Variants in KCTD16 observed in about 807,000 individuals in gnomAD.
KCTD16 encodes the protein BTB/POZ domain-containing protein KCTD16.
A neutral mutation model predicts 33.2 loss-of-function variants in KCTD16; 13 were observed. That is an observed-to-expected ratio of 0.39 (90% confidence interval 0.25 to 0.62). The LOEUF is 0.62. KCTD16 is among the 20% of genes least tolerant of loss of function. The pLI, the probability that KCTD16 is intolerant of heterozygous loss-of-function variation, is 0.50. For missense variants in KCTD16, 441 were observed against 525.1 expected, an observed-to-expected ratio of 0.84 and a Z score of 1.57; for synonymous variants, 197 against 195.3, an observed-to-expected ratio of 1.01 and a Z score of -0.07.
chr5:144,237,137 A>T (rs546769828), intron 3 of KCTD16, among the ~76,000 whole-genome samples: 1 of 152,106 alleles, frequency 6.6e-6, no homozygotes, highest in East Asian at 1.9e-4. Context: ...CCTACCCAGA[A>T]TGTTTCTCCT....
At chr5:144,400,105 G>T (rs1436324254) in intron 3 of KCTD16, among the ~76,000 whole-genome samples, 1 of 152,094 alleles carries the variant, frequency 6.6e-6, no homozygotes, top group Non-Finnish European at 1.5e-5. Context: ...TATAATAAAA[G>T]AAATTTCTTT....
At chr5:144,353,536 T>G (rs887525138) in intron 3 of KCTD16, among the ~76,000 whole-genome samples, 1 of 152,192 alleles carries the variant, frequency 6.6e-6, no homozygotes, top group Admixed American at 6.6e-5. Context: ...ATGTCATTAT[T>G]GTAAAAGTTA....
intron 3 of KCTD16, among the ~76,000 whole-genome samples, chr5:144,325,812 T>C (rs751972135): frequency 2.0e-5 from 3 of 152,166 alleles, no homozygotes; most frequent in South Asian, 2.1e-4. Flanking sequence ...CACCCCTTGA[T>C]TGTGAACTTA....
rs73794905 is a variant in KCTD16, at chr5:144,220,363, C to T, written c.832+12817C>T. 6.9e-3 allele frequency among the ~76,000 whole-genome samples: 1,045 copies of T among 152,204 alleles called. 15 individuals carry two copies. Among genetic ancestry groups the T allele is most frequent in the African/African-American group, 0.024 (990 of 41,524 alleles). On this transcript the variant is annotated intron_variant, in intron 3 of 3. Coordinates refer to ENST00000512467, the MANE Select transcript of KCTD16 (RefSeq NM_020768.4). Reference sequence around the variant, plus strand: ...TGCTTGATTTACTTGTTTATTTTCCCTCTATATATGAACTGTAAGCTTCCT... The same window carrying T: ...TGCTTGATTTACTTGTTTATTTTCCTTCTATATATGAACTGTAAGCTTCCT...
Position 144,481,128 on chromosome 5 carries a change from A to G in KCTD16, c.*7014A>G, listed in dbSNP as rs1754696573. The G allele has an allele frequency of 6.6e-6, 1 of 151,898 alleles. No homozygotes were observed. The highest frequency in any genetic ancestry group is 1.5e-5 in the Non-Finnish European group (1 of 67,900). The allele number at this position is 151,898 out of a possible 1,614,324, so 9.4% of individuals were successfully genotyped here. On this transcript the variant is annotated 3_prime_UTR_variant, in exon 4 of 4. Coordinates refer to ENST00000512467, the MANE Select transcript of KCTD16 (RefSeq NM_020768.4). The stretch of plus-strand genomic sequence containing the variant: ...AGTCTTTCTGCCTCAGAAAAATTAT[A>G]CTTCAGTGATGTTGTCAATCTTTCA...
intron 3 of KCTD16, among the ~76,000 whole-genome samples, chr5:144,246,488 A>G (rs1754551846): frequency 6.6e-6 from 1 of 152,224 alleles, no homozygotes; most frequent in Admixed American, 6.5e-5. Flanking sequence ...AAAATCTAAT[A>G]GAATAAAATA....
chr5:144,398,336 A>G (rs1752625610), intron 3 of KCTD16, among the ~76,000 whole-genome samples: 2 of 152,234 alleles, frequency 1.3e-5, no homozygotes, highest in Non-Finnish European at 2.9e-5. Flanking sequence ...AGCTGCTTGC[A>G]TCTGTTATTA....
intron 3 of KCTD16, among the ~76,000 whole-genome samples, chr5:144,415,689 CCTTT>C (rs1413452659): frequency 6.6e-6 from 1 of 152,128 alleles, no homozygotes; most frequent in Non-Finnish European, 1.5e-5. Context: ...AATTCCGAGG[CCTTT>C]CTATTTTCCA....
intron 3 of KCTD16, among the ~76,000 whole-genome samples, chr5:144,310,051 A>C (rs1554086595): frequency 6.7e-6 from 1 of 150,166 alleles, no homozygotes; most frequent in Non-Finnish European, 1.5e-5. Flanking sequence ...TTTTTTTTAA[A>C]TACTGTGTTG....
intron 3 of KCTD16, among the ~76,000 whole-genome samples, chr5:144,428,565 AT>A (rs1753387402): frequency 6.6e-6 from 1 of 152,186 alleles, no homozygotes; most frequent in South Asian, 2.1e-4. Context: ...CTTAAATCAA[AT>A]TGTCATTTTA....
intron 3 of KCTD16, among the ~76,000 whole-genome samples, chr5:144,431,674 G>A (rs529149110): frequency 1.3e-5 from 2 of 152,280 alleles, no homozygotes; most frequent in East Asian, 3.9e-4. Context: ...TTCTGATGCA[G>A]GTGGTTCCAG....
At position 144,255,502 on chromosome 5, in the gene KCTD16, G is replaced by T. The variant is rs145898556; in HGVS notation, c.832+47956G>T. ...TCCTTGCCAACACTTATTATCATTTGTCTTTTAATGATATGCATCCTGGTA... is the reference window on the plus strand; with the variant it reads ...TCCTTGCCAACACTTATTATCATTTTTCTTTTAATGATATGCATCCTGGTA... On this transcript the variant is annotated intron_variant, in intron 3 of 3. Coordinates refer to ENST00000512467, the MANE Select transcript of KCTD16 (RefSeq NM_020768.4). Among the ~76,000 whole-genome samples, 39 of 152,230 alleles carry T rather than the reference G, an allele frequency of 2.6e-4. No homozygotes were observed. In the East Asian group the frequency reaches 6.8e-3, roughly 26 times the overall value.
intron 3 of KCTD16, among the ~76,000 whole-genome samples, chr5:144,417,794 A>C (rs1484724061): frequency 5.3e-5 from 8 of 152,092 alleles, no homozygotes; most frequent in Admixed American, 3.3e-4. Flanking sequence ...GTAGGGCTCC[A>C]ACTTCGTTCT....
Position 144,390,353 on chromosome 5 carries a change from A to G in KCTD16, c.833-83307A>G, listed in dbSNP as rs150676835. Among the ~76,000 whole-genome samples, 23 of 152,212 alleles carry G rather than the reference A, an allele frequency of 1.5e-4. No individual in the cohort carries two copies. In the East Asian group the frequency reaches 3.9e-3, roughly 26 times the overall value. On this transcript the variant is annotated intron_variant, in intron 3 of 3. Transcript: ENST00000512467. ...AGTGATGTGTTTGAAGGAAAGGGGA[A>G]GGCTGGAATTGGATCTCAGAAGAGA...
intron 3 of KCTD16, among the ~76,000 whole-genome samples, chr5:144,208,843 T>C (rs140421401): frequency 3.9e-5 from 6 of 152,352 alleles, no homozygotes; most frequent in East Asian, 1.9e-4. Flanking sequence ...CAGGAGTATA[T>C]TGATGTGCGA....
chr5:144,346,442 C>G (rs1271704983), intron 3 of KCTD16, among the ~76,000 whole-genome samples: 2 of 152,096 alleles, frequency 1.3e-5, no homozygotes, highest in Non-Finnish European at 2.9e-5. Context: ...AACTATTCTC[C>G]AAAGTGGCTG....
chr5:144,309,551 A>G lies in KCTD16; in HGVS notation c.832+102005A>G, dbSNP rs571102093. Among the ~76,000 whole-genome samples, 526 of 152,284 alleles carry G rather than the reference A, an allele frequency of 3.5e-3. 1 individual carries two copies. Among genetic ancestry groups the G allele is most frequent in the Non-Finnish European group, 5.7e-3 (387 of 68,010 alleles). ...GGGAAATGGGCCAGGGCAATTTGTA[A>G]TCCTAATGAGAGAGACCAGACAAAC... is the stretch of plus-strand genomic sequence containing the variant. On this transcript the variant is annotated intron_variant, in intron 3 of 3. Transcript: ENST00000512467.
intron 3 of KCTD16, among the ~76,000 whole-genome samples, chr5:144,341,319 C>G (rs1413462752): frequency 6.6e-6 from 1 of 152,090 alleles, no homozygotes; most frequent in East Asian, 1.9e-4. Flanking sequence ...GGATGCCATC[C>G]CACCTTGCTC....
At chr5:144,300,492 T>C (rs1751402516) in intron 3 of KCTD16, among the ~76,000 whole-genome samples, 1 of 152,234 alleles carries the variant, frequency 6.6e-6, no homozygotes, top group Non-Finnish European at 1.5e-5. Context: ...AGAAAGTATC[T>C]TGTAGCTCAC....
Sources: allele counts gnomAD v4.1 joint callset (sites outside exome capture counted in the v4.1 genomes callset), GRCh38; gene constraint gnomAD v4.1.1; transcripts MANE v1.5; gene names NCBI Gene and HGNC (gene_info 2026-07-23, HGNC 2026-07-21).